Variants in TPRG1 observed in about 807,000 individuals in gnomAD.
The protein encoded by TPRG1 is tumor protein p63-regulated gene 1 protein.
TPRG1 carries 29 observed loss-of-function variants against 29.3 expected under a neutral mutation model. The ratio of observed to expected loss-of-function variants is 0.99; its 90% confidence interval spans 0.74 to 1.35. The LOEUF (loss-of-function observed/expected upper bound fraction) is 1.35, where lower values mean the gene tolerates loss of function less well. Among genes scored for constraint, TPRG1 ranks in the 40% most tolerant of loss-of-function variants. The pLI, the probability that TPRG1 is intolerant of heterozygous loss-of-function variation, is 0.00. For synonymous variants in TPRG1, 130 were observed against 116.8 expected (o/e 1.11, Z -0.73); for missense variants, 327 against 335.0 (o/e 0.98, Z 0.19).
chr3:189,253,598 T>A (rs1350626159), intron 4 of TPRG1, among the ~76,000 whole-genome samples: 1 of 152,218 alleles, frequency 6.6e-6, no homozygotes, highest in South Asian at 2.1e-4. Flanking sequence ...TGATTGATAA[T>A]CCTTTGGGTG....
chr3:189,157,284 T>G (rs776161305), intron 5 of TPRG1, among the ~76,000 whole-genome samples: 11 of 152,224 alleles, frequency 7.2e-5, no homozygotes, highest in Non-Finnish European at 1.3e-4. Context: ...TTCTCCTGCC[T>G]TCTTTTCCCT....
At chr3:189,282,413 G>A (rs1717313790) in intron 4 of TPRG1, among the ~76,000 whole-genome samples, 1 of 152,092 alleles carries the variant, frequency 6.6e-6, no homozygotes, top group Non-Finnish European at 1.5e-5. Flanking sequence ...GCCTGAACAT[G>A]CAGTTCAAAA....
chr3:189,046,325 G>A (rs919349955), intron 4 of TPRG1, among the ~76,000 whole-genome samples: 2 of 152,176 alleles, frequency 1.3e-5, no homozygotes, highest in African/African-American at 2.4e-5. Flanking sequence ...AAGCACAGTC[G>A]GTGTGAACTC....
intron 2 of TPRG1, among the ~76,000 whole-genome samples, chr3:189,209,266 C>T (rs780508586): frequency 6.6e-6 from 1 of 152,212 alleles, no homozygotes. Context: ...TTGCCATGAA[C>T]ATGAGTTGTC....
intron 5 of TPRG1, among the ~76,000 whole-genome samples, chr3:189,311,115 C>A (rs1722414419): frequency 1.3e-5 from 2 of 152,198 alleles, no homozygotes; most frequent in Middle Eastern, 3.4e-3. Context: ...AGACTTATTT[C>A]TAAAGGGAAC....
intron 4 of TPRG1, among the ~76,000 whole-genome samples, chr3:189,025,827 GA>G (rs1713630222): frequency 6.6e-6 from 1 of 152,114 alleles, no homozygotes; most frequent in African/African-American, 2.4e-5. Flanking sequence ...TATCTACAGT[GA>G]AAAAAATAAT....
At chr3:188,997,328 T>C (rs1231241960) in intron 1 of TPRG1, among the ~76,000 whole-genome samples, 1 of 152,208 alleles carries the variant, frequency 6.6e-6, no homozygotes, top group Non-Finnish European at 1.5e-5. Context: ...GCCTTATGTG[T>C]CACTTTTCCC....
chr3:189,065,567 C>G (rs536773233), intron 4 of TPRG1, among the ~76,000 whole-genome samples: 1 of 151,496 alleles, frequency 6.6e-6, no homozygotes, highest in South Asian at 2.1e-4. Flanking sequence ...AAAAAAAAGG[C>G]AATGATGATA....
At position 189,295,523 on chromosome 3, in the gene TPRG1, A is replaced by T. The variant is rs556579858; in HGVS notation, c.480-14863A>T. On this transcript the variant is annotated intron_variant, in intron 4 of 5. Coordinates refer to ENST00000345063, the MANE Select transcript of TPRG1 (RefSeq NM_198485.4). ...AAAAAAAAAAAAAAAAAAAAAAAAA[A>T]GGCCTTGGTCTCTTTGACCCTTAAA... Among the ~76,000 whole-genome samples the T allele has an allele frequency of 1.2e-4, 16 of 129,384 alleles. No homozygotes were observed. The South Asian group carries it at 3.6e-3, about 29-fold the overall frequency. 84.9% of individuals were successfully genotyped at this position (129,384 alleles called of 152,430 possible). A position where few individuals can be genotyped will look rare whatever the true frequency, so the allele number is the denominator to read the frequency against.
Position 189,238,732 on chromosome 3 carries a change from G to T in TPRG1, c.303-1G>T. 6.2e-7 allele frequency: 1 copy of T among 1,609,458 alleles called. No homozygotes were observed. Among genetic ancestry groups the T allele is most frequent in the Non-Finnish European group, 8.5e-7 (1 of 1,177,412 alleles). ...TTTATTTGCTATGATGATTCCTATA[G>T]GATAGACCACTGGAACAATGAGAAG... is the stretch of plus-strand genomic sequence containing the variant. On this transcript the variant is annotated splice_acceptor_variant, in intron 3 of 5. Transcript: ENST00000345063. LOFTEE classifies it high-confidence loss of function.
chr3:189,287,829 G>A (rs1718328176), intron 4 of TPRG1, among the ~76,000 whole-genome samples: 1 of 151,942 alleles, frequency 6.6e-6, no homozygotes, highest in Non-Finnish European at 1.5e-5. Flanking sequence ...TTTATTTTTT[G>A]CCTATTTTCC....
intron 4 of TPRG1, among the ~76,000 whole-genome samples, chr3:189,077,672 C>A (rs1196312729): frequency 6.6e-6 from 1 of 152,046 alleles, no homozygotes; most frequent in Non-Finnish European, 1.5e-5. Flanking sequence ...TATATTCCAC[C>A]CTTTTAATCC....
intron 4 of TPRG1, among the ~76,000 whole-genome samples, chr3:189,268,899 T>G (rs1714594862): frequency 6.6e-6 from 1 of 152,198 alleles, no homozygotes; most frequent in African/African-American, 2.4e-5. Flanking sequence ...TGCTCTTTGT[T>G]CTCGCTACTT....
intron 4 of TPRG1, among the ~76,000 whole-genome samples, chr3:189,058,278 T>C (rs1037951431): frequency 5.3e-5 from 8 of 152,212 alleles, no homozygotes; most frequent in Non-Finnish European, 1.0e-4. Flanking sequence ...TGGGATCTTT[T>C]CATCATCCAA....
Position 189,055,308 on chromosome 3 carries a change from G to A in TPRG1, c.-463+31362G>A, listed in dbSNP as rs186599232. 6.6e-5 allele frequency among the ~76,000 whole-genome samples: 10 copies of A among 152,200 alleles called. No homozygotes were observed. In the East Asian group the frequency reaches 1.9e-3, roughly 29 times the overall value. On this transcript the variant is annotated intron_variant, in intron 4 of 10. Coordinates refer to the TPRG1 transcript ENST00000433971. ...TTGATCCTCAGAAGCAGACCCTGAG[G>A]CAAAAATCCATGTGAAATTGAATTT...
chr3:189,074,815 C>G (rs1717036274), intron 4 of TPRG1, among the ~76,000 whole-genome samples: 1 of 147,724 alleles, frequency 6.8e-6, no homozygotes. Context: ...GTCAGCCTAC[C>G]TTTTTTTTTT....
At chr3:189,316,369 T>C (rs111660761) in intron 5 of TPRG1, among the ~76,000 whole-genome samples, 15 of 152,326 alleles carry the variant, frequency 9.8e-5, no homozygotes, top group East Asian at 1.9e-4. Flanking sequence ...GGGTATTGGA[T>C]GGGCGTGCCC....
intron 4 of TPRG1, among the ~76,000 whole-genome samples, chr3:189,267,123 AT>A (rs1415793821): frequency 6.6e-6 from 1 of 152,208 alleles, no homozygotes; most frequent in Non-Finnish European, 1.5e-5. Context: ...GTTTAGATGT[AT>A]TTAGATATAC....
intron 1 of TPRG1, among the ~76,000 whole-genome samples, chr3:189,115,867 A>G (rs1008291001): frequency 4.6e-5 from 7 of 152,126 alleles, no homozygotes; most frequent in African/African-American, 1.7e-4. Flanking sequence ...CTTTTAATCT[A>G]CTAATAATTA....
Sources: gnomAD v4.1 joint callset for allele counts (sites outside exome capture counted in the v4.1 genomes callset) on GRCh38, gnomAD v4.1.1 for gene constraint, MANE v1.5 for transcripts, NCBI Gene and HGNC (gene_info 2026-07-23, HGNC 2026-07-21) for gene names.